The following SP3 variants were observed in gnomAD, a reference collection of about 807,000 sequenced individuals.
SP3 encodes Sp3 transcription factor, also known as transcription factor Sp3.
SP3 carries 10 observed loss-of-function variants against 70.3 expected under a neutral mutation model. The observed-to-expected ratio is 0.14, with a 90% confidence interval of 0.09 to 0.24. SP3 has a LOEUF of 0.24. SP3 is among the 10% of genes least tolerant of loss of function. The pLI, the probability that SP3 is intolerant of heterozygous loss-of-function variation, is 1.00. For synonymous variants in SP3, 402 were observed against 333.5 expected (o/e 1.21, Z -2.24); for missense variants, 825 against 914.6 (o/e 0.90, Z 1.26).
chr2:173,965,328 A>C lies in SP3; in HGVS notation c.-157T>G. The C allele has an allele frequency of 1.2e-6, 1 of 844,144 alleles. No homozygotes were observed. The highest frequency in any genetic ancestry group is 1.9e-6 in the Non-Finnish European group (1 of 538,862). 52.3% of individuals were successfully genotyped at this position (844,144 alleles called of 1,614,324 possible). ...CCTATTTTGATTGACTGTGCGGGAA[A>C]CACAAAAGGTGGAGCCTCCAGCCCA... On this transcript the variant is annotated 5_prime_UTR_variant, in exon 1 of 7. Coordinates refer to ENST00000310015, the MANE Select transcript of SP3 (RefSeq NM_003111.5).
chr2:173,935,594 C>A (rs1419846147), intron 4 of SP3, among the ~76,000 whole-genome samples: 1 of 152,166 alleles, frequency 6.6e-6, no homozygotes, highest in Non-Finnish European at 1.5e-5. Flanking sequence ...GTTTTATGGT[C>A]CACACTCCAC....
At chr2:173,961,943 T>TG (rs1207248821) in intron 3 of SP3, among the ~76,000 whole-genome samples, 1 of 150,242 alleles carries the variant, frequency 6.7e-6, no homozygotes, top group Non-Finnish European at 1.5e-5. Context: ...GGGTTTTTTT[T>TG]TTTTTTTTTT....
At chr2:173,925,807 A>C (rs1270660657) in intron 4 of SP3, among the ~76,000 whole-genome samples, 1 of 152,124 alleles carries the variant, frequency 6.6e-6, no homozygotes, top group Non-Finnish European at 1.5e-5. Flanking sequence ...CTTCAGATTA[A>C]AAAAAAGACT....
chr2:173,923,363 T>TAC (rs1553516007), intron 4 of SP3, among the ~76,000 whole-genome samples: 1 of 151,910 alleles, frequency 6.6e-6, no homozygotes, highest in Non-Finnish European at 1.5e-5. Context: ...TAATGAAATA[T>TAC]ACACACACAC....
At position 173,911,905 on chromosome 2, in the gene SP3, G is replaced by A. The variant is rs192636843; in HGVS notation, c.2029+1165C>T. ...ATGACCTTGGCTCACTGCAACCGCC[G>A]CCCCATGGGCTCAAGCAATCCTCCC... On this transcript the variant is annotated intron_variant, in intron 6 of 6. Coordinates refer to ENST00000310015, the MANE Select transcript of SP3 (RefSeq NM_003111.5). Among the ~76,000 whole-genome samples, 973 of 128,950 alleles carry A rather than the reference G, an allele frequency of 7.5e-3. 16 individuals carry two copies. Among genetic ancestry groups the A allele is most frequent in the East Asian group, 0.049 (189 of 3,888 alleles). 84.6% of individuals were successfully genotyped at this position (128,950 alleles called of 152,430 possible).
intron 4 of SP3, among the ~76,000 whole-genome samples, chr2:173,948,455 T>C (rs1233962994): frequency 6.6e-6 from 1 of 152,034 alleles, no homozygotes; most frequent in Admixed American, 6.6e-5. Flanking sequence ...AAAACCATAG[T>C]GTATATAGGG....
chr2:173,924,686 A>C (rs771036950), intron 4 of SP3, among the ~76,000 whole-genome samples: 13 of 152,212 alleles, frequency 8.5e-5, no homozygotes, highest in Non-Finnish European at 1.5e-4. Context: ...GCCAGGATGT[A>C]AGATGAAAAC....
rs1394096304 is a variant in SP3 at position 173,964,492 on chromosome 2, G to A, written c.69C>T (p.Gly23=). 23 of 587,610 alleles carry A rather than the reference G, an allele frequency of 3.9e-5. No individual in the cohort carries two copies. Among genetic ancestry groups the A allele is most frequent in the African/African-American group, 2.8e-4 (14 of 49,286 alleles). The allele number at this position is 587,610 out of a possible 1,614,324, so 36.4% of individuals were successfully genotyped here. Residue 23 remains glycine, a synonymous_variant, in exon 2 of 7, where the codon GGC becomes GGT. Transcript: ENST00000310015. The stretch of plus-strand genomic sequence containing the variant: ...CGCCGTGGCCGCCGCCGCCGCCACC[G>A]CCGCCGCCGCTATCCACGTCCAAGG... ...MAALDVDSGG[G]GGGGGGHGEY...
At chr2:173,953,304 T>C (rs1294228113) in intron 4 of SP3, among the ~76,000 whole-genome samples, 1 of 152,202 alleles carries the variant, frequency 6.6e-6, no homozygotes, top group Non-Finnish European at 1.5e-5. Flanking sequence ...AGGCAAACAA[T>C]TTCTTAGTGC....
intron 3 of SP3, 70 bp downstream of exon 3, chr2:173,963,691 G>T (rs896141761): frequency 1.8e-6 from 1 of 570,978 alleles, no homozygotes; most frequent in Non-Finnish European, 2.2e-6. Context: ...GGCCTTTTGG[G>T]CAGGCGCGCC....
intron 3 of SP3, chr2:173,963,413 A>G (rs532106013): frequency 2.0e-5 from 3 of 152,512 alleles, no homozygotes; most frequent in Non-Finnish European, 2.9e-5. Flanking sequence ...GATACTATCT[A>G]TGGCCGATAG....
At position 173,907,834 on chromosome 2, in the gene SP3, T is replaced by C. The variant is rs1314484537; in HGVS notation, c.*2107A>G. On this transcript the variant is annotated 3_prime_UTR_variant, in exon 7 of 7. Coordinates refer to ENST00000310015, the MANE Select transcript of SP3 (RefSeq NM_003111.5). ...TAATTGTAAATTCTAGTGGTTCCTT[T>C]ATATTATTCCAAGTAGAACTTCCTA... 6.6e-6 allele frequency: 1 copy of C among 152,132 alleles called. No homozygotes were observed. Among genetic ancestry groups the C allele is most frequent in the Non-Finnish European group, 1.5e-5 (1 of 67,968 alleles). 9.4% of individuals were successfully genotyped at this position (152,132 alleles called of 1,614,324 possible).
intron 4 of SP3, among the ~76,000 whole-genome samples, chr2:173,928,094 A>C (rs1430064183): frequency 6.6e-6 from 1 of 152,010 alleles, no homozygotes; most frequent in African/African-American, 2.4e-5. Flanking sequence ...CATCCCTTCT[A>C]CTGTACATTT....
chr2:173,908,303 CT>C lies in SP3; in HGVS notation c.*1637del, dbSNP rs1689384401. 6.6e-6 allele frequency: 1 copy of C among 152,230 alleles called. No homozygotes were observed. Among genetic ancestry groups the C allele is most frequent in the East Asian group, 1.9e-4 (1 of 5,196 alleles). 9.4% of individuals were successfully genotyped at this position (152,230 alleles called of 1,614,324 possible). A position where few individuals can be genotyped will look rare whatever the true frequency, so the allele number is the denominator to read the frequency against. On this transcript the variant is annotated 3_prime_UTR_variant, in exon 7 of 7. Transcript: ENST00000310015. ...AATCAATGTGGGCTAAGGGCTAAGA[CT>C]TTTTTTCAAAAATTTTATTTAATAA... is the stretch of plus-strand genomic sequence containing the variant.
intron 1 of SP3, 102 bp downstream of exon 1, chr2:173,965,063 A>G (rs1294382835): frequency 7.5e-6 from 11 of 1,460,944 alleles, no homozygotes; most frequent in Admixed American, 6.2e-5. Context: ...ACTCGGTCGC[A>G]CACACGGGGC....
chr2:173,964,276 C>T, intron 2 of SP3, 129 bp downstream of exon 2: 1 of 442,762 alleles, frequency 2.3e-6, no homozygotes, highest in Non-Finnish European at 3.9e-6. Flanking sequence ...GCTCCCGGGG[C>T]GGGGGGAGGG....
intron 3 of SP3, among the ~76,000 whole-genome samples, chr2:173,962,647 TAA>T (rs554889189): frequency 6.8e-6 from 1 of 147,004 alleles, no homozygotes. Context: ...TGGTTTAACT[TAA>T]AAAAAAAAAA....
chr2:173,941,535 G>A (rs779613444), intron 4 of SP3, among the ~76,000 whole-genome samples: 1 of 152,162 alleles, frequency 6.6e-6, no homozygotes, highest in Non-Finnish European at 1.5e-5. Context: ...ACCTGAGCCC[G>A]GAAGGTCCAG....
intron 5 of SP3, chr2:173,915,127 C>G (rs541034156): frequency 6.6e-6 from 1 of 152,202 alleles, no homozygotes; most frequent in African/African-American, 2.4e-5. Flanking sequence ...AAATTAACAG[C>G]AACAGATCTG....
Sources: allele counts gnomAD v4.1 joint callset (sites outside exome capture counted in the v4.1 genomes callset), GRCh38; gene constraint gnomAD v4.1.1; transcripts MANE v1.5; gene names NCBI Gene and HGNC (gene_info 2026-07-23, HGNC 2026-07-21).